The following CACNA2D4 variants were observed in gnomAD, a reference collection of about 807,000 sequenced individuals.
CACNA2D4 encodes the protein calcium voltage-gated channel auxiliary subunit alpha2delta 4, also known as voltage-dependent calcium channel subunit alpha-2/delta-4.
CACNA2D4 carries 157 observed loss-of-function variants against 163.8 expected under a neutral mutation model. The ratio of observed to expected loss-of-function variants is 0.96; its 90% confidence interval spans 0.84 to 1.09. The LOEUF is 1.09. Ranked by LOEUF, CACNA2D4 falls within the 50% of genes least tolerant of loss-of-function variation. The probability of loss-of-function intolerance (pLI) is 0.00; values close to 1 mark genes in which losing one functional copy is unlikely to be tolerated. For missense variants in CACNA2D4, 1,410 were observed against 1,479.9 expected, an observed-to-expected ratio of 0.95 and a Z score of 0.78; for synonymous variants, 598 against 586.9, an observed-to-expected ratio of 1.02 and a Z score of -0.27.
chr12:1,811,715 C>A lies in CACNA2D4; in HGVS notation c.2560G>T (p.Val854Phe). 6.4e-7 allele frequency: 1 copy of A among 1,558,854 alleles called. No individual in the cohort carries two copies. Among genetic ancestry groups the A allele is most frequent in the African/African-American group, 1.4e-5 (1 of 73,396 alleles). The stretch of plus-strand genomic sequence containing the variant: ...TGGAGGAATTCCAGCTTCATTTGGA[C>A]GCCCGCGGCTACAGGGCAGAAAGAG... ...KRTAIAAAAG[V>F]QMKLEFLQRK... is the part of the protein sequence containing the mutation. The change falls in exon 27 of 38, where the codon GTC becomes TTC. Residue 854 changes from valine to phenylalanine, a missense_variant. Coordinates refer to ENST00000382722, the MANE Select transcript of CACNA2D4 (RefSeq NM_172364.5).
At chr12:1,893,816 T>G (rs1866341875) in intron 6 of CACNA2D4, among the ~76,000 whole-genome samples, 1 of 152,028 alleles carries the variant, frequency 6.6e-6, no homozygotes, top group African/African-American at 2.4e-5. Context: ...GTAGAAAGAT[T>G]TCTAACAATC....
At chr12:1,811,600 G>A in intron 27 of CACNA2D4, 62 bp downstream of exon 27, 2 of 1,491,346 alleles carry the variant, frequency 1.3e-6, no homozygotes, top group Non-Finnish European at 9.2e-7. Flanking sequence ...GGGAGAGGGG[G>A]TCTCACACCC....
rs778901375 is a variant in CACNA2D4 at position 1,830,898 on chromosome 12, T to C, written c.2551+9841A>G. 3 of 1,535,894 alleles carry C rather than the reference T, an allele frequency of 2.0e-6. No homozygotes were observed. The South Asian group carries it at 3.7e-5, about 19-fold the overall frequency. ...AGAAGCAGGAGGTGGTGACCCGTCC[T>C]ATTGCTTTCTTTCCCCCGTCTGTCC... On this transcript the variant is annotated intron_variant, in intron 26 of 37. Coordinates refer to ENST00000382722, the MANE Select transcript of CACNA2D4 (RefSeq NM_172364.5).
chr12:1,878,873 C>T lies in CACNA2D4; in HGVS notation c.1644+83G>A, dbSNP rs1183277072. ...CCACCCCAGCTCTGGGCTTGGCTTGCCTGGAGAGAGGCTCCCATCACGGGG... is the reference window on the plus strand; with the variant it reads ...CCACCCCAGCTCTGGGCTTGGCTTGTCTGGAGAGAGGCTCCCATCACGGGG... On this transcript the variant is annotated intron_variant, in intron 15 of 37. Coordinates refer to ENST00000382722, the MANE Select transcript of CACNA2D4 (RefSeq NM_172364.5). The surrounding 1 kb of genome is among the most constrained non-coding windows in gnomAD (Gnocchi z 4.6). The T allele has an allele frequency of 1.9e-5, 25 of 1,334,634 alleles. 1 individual carries two copies. The allele number at this position is 1,334,634 out of a possible 1,614,324, so 82.7% of individuals were successfully genotyped here.
At chr12:1,887,120 A>T in intron 6 of CACNA2D4, 51 bp from the exon 7 acceptor site, 2 of 1,325,868 alleles carry the variant, frequency 1.5e-6, no homozygotes, top group Non-Finnish European at 2.1e-6. Context: ...GCCACCCCAG[A>T]TCCCCTGGCT....
intron 23 of CACNA2D4, among the ~76,000 whole-genome samples, chr12:1,847,984 C>T (rs974422487): frequency 6.6e-6 from 1 of 152,178 alleles, no homozygotes; most frequent in Non-Finnish European, 1.5e-5. Flanking sequence ...CAGAATCTGC[C>T]TAAGGCTCAC....
chr12:1,914,894 T>G lies in CACNA2D4; in HGVS notation c.269A>C (p.Asn90Thr). The G allele has an allele frequency of 6.2e-7, 1 of 1,613,822 alleles. No homozygotes were observed. Among genetic ancestry groups the G allele is most frequent in the African/African-American group, 1.3e-5 (1 of 75,006 alleles). ...AGAGCCTGAGTATTTGGTCACAGTGTTATACAGGTCCCCGCCGAAGGTGTC... is the reference window on the plus strand; with the variant it reads ...AGAGCCTGAGTATTTGGTCACAGTGGTATACAGGTCCCCGCCGAAGGTGTC... ...WADTFGGDLYNTVTKYSGSLL... is the reference protein window; with the variant it reads ...WADTFGGDLYTTVTKYSGSLL... The change falls in exon 2 of 38, where the codon AAC (asparagine) becomes ACC (threonine). Residue 90 changes from asparagine (N) to threonine (T), a missense_variant. Physicochemically the swap from Asn to Thr is moderately conservative, Grantham distance 65. Coordinates refer to ENST00000382722, the MANE Select transcript of CACNA2D4 (RefSeq NM_172364.5).
intron 4 of CACNA2D4, among the ~76,000 whole-genome samples, chr12:1,908,571 C>G (rs562751512): frequency 1.3e-5 from 2 of 152,220 alleles, no homozygotes; most frequent in African/African-American, 4.8e-5. Context: ...CCCGTTTCCT[C>G]CACACGACCG....
chr12:1,800,661 C>T lies in CACNA2D4; in HGVS notation c.2869-223G>A, dbSNP rs1039125522. ...TGGGAAATGCCTATTGCAGGTCAGA[C>T]ATCTCGGGTGGGGTTGGACATGCCC... On this transcript the variant is annotated intron_variant, in intron 31 of 37. Transcript: ENST00000382722. 1.0e-5 allele frequency: 6 copies of T among 602,216 alleles called. No individual in the cohort carries two copies. The African/African-American group carries it at 1.1e-4, about 11-fold the overall frequency. The allele number at this position is 602,216 out of a possible 1,614,324, so 37.3% of individuals were successfully genotyped here.
intron 22 of CACNA2D4, among the ~76,000 whole-genome samples, chr12:1,854,531 A>G (rs1324759144): frequency 1.3e-5 from 2 of 152,052 alleles, no homozygotes; most frequent in Admixed American, 1.3e-4. Flanking sequence ...TCAGCCTCCC[A>G]AGTAGCTGGG....
intron 26 of CACNA2D4, among the ~76,000 whole-genome samples, chr12:1,819,470 C>T (rs976621859): frequency 1.3e-5 from 2 of 152,098 alleles, no homozygotes; most frequent in South Asian, 4.1e-4. Flanking sequence ...GGCTGTGAAC[C>T]CCTCCAGCAA....
At chr12:1,854,688 G>A (rs916689340) in intron 22 of CACNA2D4, among the ~76,000 whole-genome samples, 1 of 152,148 alleles carries the variant, frequency 6.6e-6, no homozygotes, top group South Asian at 2.1e-4. Context: ...TTATAGGCAT[G>A]AGCCACTGCC....
intron 7 of CACNA2D4, among the ~76,000 whole-genome samples, chr12:1,886,762 G>C (rs1389547250): frequency 6.6e-6 from 1 of 152,208 alleles, no homozygotes; most frequent in Admixed American, 6.5e-5. Context: ...CGTGGAGACA[G>C]CTCAGTGTCC....
At chr12:1,898,660 T>C (rs1166743632) in intron 6 of CACNA2D4, among the ~76,000 whole-genome samples, 1 of 151,822 alleles carries the variant, frequency 6.6e-6, no homozygotes, top group Admixed American at 6.6e-5. Flanking sequence ...GCTGCATCCT[T>C]TTACATTCCC....
intron 18 of CACNA2D4, among the ~76,000 whole-genome samples, chr12:1,861,781 G>C (rs1254015290): frequency 6.6e-6 from 1 of 152,028 alleles, no homozygotes; most frequent in African/African-American, 2.4e-5. Context: ...TGGATGCACA[G>C]ATCTTCCATG....
rs1182611302 is a variant in CACNA2D4 at position 1,829,874 on chromosome 12, C to G, written c.2551+10865G>C. Among the ~76,000 whole-genome samples the G allele has an allele frequency of 3.3e-5, 5 of 152,062 alleles. No homozygotes were observed. The highest frequency in any genetic ancestry group is 2.6e-4 in the Admixed American group (4 of 15,276). On this transcript the variant is annotated intron_variant, in intron 26 of 37. Transcript: ENST00000382722. The surrounding 1 kb of genome is among the most constrained non-coding windows in gnomAD (Gnocchi z 4.2). ...GAACTATTTTGAATTCTTCCCAGTTCTCTTTCACGATGAGCAGGCTTCTCT... is the reference window on the plus strand; with the variant it reads ...GAACTATTTTGAATTCTTCCCAGTTGTCTTTCACGATGAGCAGGCTTCTCT...
intron 26 of CACNA2D4, among the ~76,000 whole-genome samples, chr12:1,811,997 G>A (rs1184441323): frequency 6.6e-6 from 1 of 152,152 alleles, no homozygotes; most frequent in Admixed American, 6.5e-5. Flanking sequence ...AGAAAACAAC[G>A]AGGGCAGATT....
chr12:1,870,802 G>A (rs889266244), intron 18 of CACNA2D4, among the ~76,000 whole-genome samples: 3 of 152,060 alleles, frequency 2.0e-5, no homozygotes, highest in East Asian at 1.9e-4. Flanking sequence ...AAGAGAGAGC[G>A]CGAGAGGTCT....
In CACNA2D4 at chr12:1,907,846, A is replaced by T. The variant is rs192876006; in HGVS notation, c.649+29T>A. The T allele has an allele frequency of 3.4e-5, 54 of 1,610,114 alleles. 1 individual carries two copies. The Admixed American group carries it at 6.2e-4, about 18-fold the overall frequency. On this transcript the variant is annotated intron_variant, in intron 5 of 37. Coordinates refer to ENST00000382722, the MANE Select transcript of CACNA2D4 (RefSeq NM_172364.5). ...GTGTGCTAGGTGGGCGTGCCTGGTG[A>T]GTGTGCCTGAGCTGAGCGTGCCGGC...
Sources: allele counts gnomAD v4.1 joint callset (sites outside exome capture counted in the v4.1 genomes callset), GRCh38; gene constraint gnomAD v4.1.1; non-coding constraint Gnocchi (gnomAD v3.1); transcripts MANE v1.5; gene names NCBI Gene and HGNC (gene_info 2026-07-23, HGNC 2026-07-21).